The following LOC128462377 variants were observed in gnomAD, a reference collection of about 807,000 sequenced individuals.
chr16:89,371,992 G>A, the LOC128462377 span, among the ~76,000 whole-genome samples: 2 of 152,184 alleles, frequency 1.3e-5, no homozygotes, highest in Non-Finnish European at 2.9e-5. Context: ...CTCTAAAGAT[G>A]GGACCGGTTT....
the LOC128462377 span, among the ~76,000 whole-genome samples, chr16:89,384,607 G>C: frequency 8.1e-4 from 124 of 152,306 alleles, no homozygotes; most frequent in African/African-American, 2.9e-3. Flanking sequence ...GAGCAGGGCA[G>C]CTTCTGCAGG....
At chr16:89,398,205 T>TCAA in the LOC128462377 span, among the ~76,000 whole-genome samples, 1 of 150,972 alleles carries the variant, frequency 6.6e-6, no homozygotes, top group East Asian at 2.0e-4. Flanking sequence ...GTGAAACAGC[T>TCAA]GAAGATTACC....
the LOC128462377 span, among the ~76,000 whole-genome samples, chr16:89,350,510 T>C: frequency 2.0e-5 from 3 of 152,070 alleles, no homozygotes; most frequent in Middle Eastern, 3.4e-3. Context: ...AGAACCCAGA[T>C]CAATCTCAAA....
chr16:89,371,630 C>T, the LOC128462377 span, among the ~76,000 whole-genome samples: 4 of 152,256 alleles, frequency 2.6e-5, no homozygotes, highest in South Asian at 2.1e-4. Flanking sequence ...GCCCACATGA[C>T]GACACCCAAG....
the LOC128462377 span, among the ~76,000 whole-genome samples, chr16:89,382,012 G>A: frequency 9.9e-5 from 15 of 152,140 alleles, no homozygotes; most frequent in Admixed American, 4.6e-4. Context: ...TTTACAAACC[G>A]TGCAAGCAGC....
the LOC128462377 span, among the ~76,000 whole-genome samples, chr16:89,367,513 C>T: frequency 3.5e-4 from 54 of 152,236 alleles, no homozygotes; most frequent in Non-Finnish European, 6.3e-4. Context: ...GTCACCCACG[C>T]TCCCTCTTAG....
chr16:89,358,788 A>G, the LOC128462377 span, among the ~76,000 whole-genome samples: 2 of 151,180 alleles, frequency 1.3e-5, no homozygotes, highest in South Asian at 4.2e-4. Context: ...TGCCGCTAAA[A>G]CCCACATCTC....
chr16:89,336,943 G>GT, the LOC128462377 span, among the ~76,000 whole-genome samples: 6 of 148,064 alleles, frequency 4.1e-5, no homozygotes, highest in African/African-American at 1.2e-4. Flanking sequence ...GCCGAGACAG[G>GT]TGGATTGCTT....
the LOC128462377 span, among the ~76,000 whole-genome samples, chr16:89,412,757 A>C: frequency 6.6e-6 from 1 of 152,232 alleles, no homozygotes; most frequent in Non-Finnish European, 1.5e-5. Context: ...TATTAAAAAA[A>C]TAAAACACTG....
the LOC128462377 span, among the ~76,000 whole-genome samples, chr16:89,401,295 T>G: frequency 1.3e-5 from 2 of 152,026 alleles, no homozygotes; most frequent in African/African-American, 4.8e-5. Context: ...GCCAGGCTGG[T>G]CTCGAACTCC....
the LOC128462377 span, among the ~76,000 whole-genome samples, chr16:89,396,343 C>CA: frequency 1.3e-5 from 2 of 152,292 alleles, no homozygotes; most frequent in African/African-American, 4.8e-5. Flanking sequence ...TGTGGACACA[C>CA]AGGCACACTC....
the LOC128462377 span, among the ~76,000 whole-genome samples, chr16:89,411,681 TG>T: frequency 6.6e-6 from 1 of 152,080 alleles, no homozygotes; most frequent in Non-Finnish European, 1.5e-5. Context: ...CCCAGAGTGC[TG>T]GGATTACGGC....
the LOC128462377 span, among the ~76,000 whole-genome samples, chr16:89,379,482 G>A: frequency 6.6e-6 from 1 of 152,342 alleles, no homozygotes; most frequent in South Asian, 2.1e-4. Flanking sequence ...CTTTCCAGGA[G>A]TCCAACTTGA....
the LOC128462377 span, among the ~76,000 whole-genome samples, chr16:89,349,882 A>G: frequency 8.4e-6 from 1 of 119,330 alleles, no homozygotes; most frequent in Non-Finnish European, 1.7e-5. Context: ...ACACACACAC[A>G]CACACACACA....
chr16:89,384,937 G>A, the LOC128462377 span, among the ~76,000 whole-genome samples: 24 of 123,292 alleles, frequency 1.9e-4, no homozygotes, highest in South Asian at 5.7e-3. Context: ...CCAGGCTGGA[G>A]TGCAGTGGCA....
chr16:89,398,428 A>T, the LOC128462377 span, among the ~76,000 whole-genome samples: 38,816 of 80,162 alleles, frequency 0.48, 14,289 homozygotes, highest in Middle Eastern at 0.72. Context: ...GAGGCTGACA[A>T]GAGGGACACT....
At chr16:89,338,726 CAAAAAAAA>C in the LOC128462377 span, among the ~76,000 whole-genome samples, 4 of 43,812 alleles carry the variant, frequency 9.1e-5, no homozygotes, top group Admixed American at 5.8e-4. Flanking sequence ...CACTCAGTCT[CAAAAAAAA>C]AAAAAAAAAA....
the LOC128462377 span, among the ~76,000 whole-genome samples, chr16:89,346,409 A>C: frequency 1.3e-5 from 2 of 152,216 alleles, no homozygotes; most frequent in Non-Finnish European, 2.9e-5. Context: ...CTGGAGCTAA[A>C]CATATAAAAT....
chr16:89,342,498 G>C, the LOC128462377 span, among the ~76,000 whole-genome samples: 1 of 152,250 alleles, frequency 6.6e-6, no homozygotes, highest in Non-Finnish European at 1.5e-5. Context: ...AACGGGCAGG[G>C]AGAGGCCAGC....
Sources: allele counts gnomAD v4.1 joint callset (sites outside exome capture counted in the v4.1 genomes callset), GRCh38; gene constraint gnomAD v4.1.1; transcripts MANE v1.5.